The following TMEM132B variants were observed in gnomAD, a reference collection of about 807,000 sequenced individuals.
The protein encoded by TMEM132B is transmembrane protein 132B.
Under a neutral mutation model 90.8 loss-of-function variants are expected in TMEM132B, and 18 were observed. The observed-to-expected ratio is 0.20, with a 90% CI of 0.14 to 0.29. TMEM132B has a LOEUF of 0.29. Among genes scored for constraint, TMEM132B ranks in the 10% least tolerant of loss-of-function variants. The pLI is 1.00. For synonymous variants in TMEM132B, 504 were observed against 523.3 expected (o/e 0.96, Z 0.50); for missense variants, 1,096 against 1,326.8 (o/e 0.83, Z 2.70).
chr12:125,451,862 ACT>A (rs1881160597), intron 3 of TMEM132B, among the ~76,000 whole-genome samples: 1 of 151,960 alleles, frequency 6.6e-6, no homozygotes, highest in Non-Finnish European at 1.5e-5. Context: ...TCAGGAAAAA[ACT>A]CAGATCACTT....
intron 1 of TMEM132B, among the ~76,000 whole-genome samples, chr12:125,327,757 G>A (rs1876630780): frequency 6.6e-6 from 1 of 152,132 alleles, no homozygotes; most frequent in Non-Finnish European, 1.5e-5. Context: ...GGGGCTCCAA[G>A]GGACAGCAGC....
At chr12:125,555,589 A>T (rs911671686) in intron 4 of TMEM132B, among the ~76,000 whole-genome samples, 1 of 147,790 alleles carries the variant, frequency 6.8e-6, no homozygotes, top group Non-Finnish European at 1.5e-5. Context: ...GGGGAGGGAT[A>T]GCATTAGGAG....
At position 125,653,932 on chromosome 12, in the gene TMEM132B, G is replaced by A. The variant is rs369406411; in HGVS notation, c.2474G>A (p.Arg825His). Residue 825 changes from arginine to histidine, a missense_variant, in exon 9 of 9, where the codon CGC (arginine) becomes CAC (histidine). Coordinates refer to ENST00000682704, the MANE Select transcript of TMEM132B (RefSeq NM_001366854.1). ...YKDHLSNSIE[R>H]EGNQERAVQE... ...GACCACCTCAGTAATTCCATAGAGC[G>A]CGAAGGAAACCAGGAGAGAGCAGTC... The A allele has an allele frequency of 3.7e-5, 59 of 1,614,040 alleles. No individual in the cohort carries two copies. The highest frequency in any genetic ancestry group is 1.6e-4 in the Middle Eastern group (1 of 6,084).
intron 2 of TMEM132B, among the ~76,000 whole-genome samples, chr12:125,385,346 G>A (rs1485738114): frequency 1.3e-5 from 2 of 152,222 alleles, no homozygotes; most frequent in African/African-American, 2.4e-5. Flanking sequence ...TGGGGGACCT[G>A]TCTAGCATCT....
At chr12:125,441,033 C>G (rs1880854779) in intron 3 of TMEM132B, among the ~76,000 whole-genome samples, 1 of 152,182 alleles carries the variant, frequency 6.6e-6, no homozygotes, top group South Asian at 2.1e-4. Context: ...TTCTTGATAT[C>G]ACCACTTATT....
chr12:125,245,067 C>A (rs1453167255), intron 1 of TMEM132B, among the ~76,000 whole-genome samples: 1 of 152,196 alleles, frequency 6.6e-6, no homozygotes, highest in Non-Finnish European at 1.5e-5. Flanking sequence ...AGGACGAGAG[C>A]AATTCTGAAT....
At chr12:125,497,077 C>T (rs565779011) in intron 3 of TMEM132B, among the ~76,000 whole-genome samples, 133 of 152,286 alleles carry the variant, frequency 8.7e-4, no homozygotes, top group Non-Finnish European at 9.4e-4. Context: ...TTTCAAAGCT[C>T]CAGGAGAGGT....
intron 1 of TMEM132B, among the ~76,000 whole-genome samples, chr12:125,331,187 T>G (rs1593088068): frequency 6.6e-6 from 1 of 152,092 alleles, no homozygotes; most frequent in South Asian, 2.1e-4. Flanking sequence ...CTGGTCCGGG[T>G]GGGCTCAGTC....
chr12:125,221,272 T>C (rs2136074108), intron 1 of TMEM132B, among the ~76,000 whole-genome samples: 1 of 152,342 alleles, frequency 6.6e-6, no homozygotes, highest in Non-Finnish European at 1.5e-5. Flanking sequence ...TAGTAGGTGC[T>C]CAGTAAATAC....
Position 125,209,849 on chromosome 12 carries a change from C to T in TMEM132B, c.67+22983C>T, listed in dbSNP as rs987973311. Reference sequence around the variant, plus strand: ...TTGTTCCCCAATCCTGATTTCTTTTCTCCTTCACTGGAGATAAATACTGTT... The same window carrying T: ...TTGTTCCCCAATCCTGATTTCTTTTTTCCTTCACTGGAGATAAATACTGTT... On this transcript the variant is annotated intron_variant, in intron 1 of 8. Transcript: ENST00000682704. This position sits in a 1 kb window ranked among gnomAD's most constrained non-coding sequence, Gnocchi z 4.4. Among the ~76,000 whole-genome samples, 4 of 152,230 alleles carry T rather than the reference C, an allele frequency of 2.6e-5. No homozygotes were observed. The highest frequency in any genetic ancestry group is 5.9e-5 in the Non-Finnish European group (4 of 68,032).
intron 1 of TMEM132B, among the ~76,000 whole-genome samples, chr12:125,195,903 G>A (rs994308269): frequency 3.9e-5 from 6 of 152,124 alleles, no homozygotes; most frequent in African/African-American, 1.4e-4. Context: ...TCACTCTTTG[G>A]GCTGAACGAG....
At chr12:125,217,088 TTG>T (rs1402808456) in intron 1 of TMEM132B, among the ~76,000 whole-genome samples, 1 of 152,242 alleles carries the variant, frequency 6.6e-6, no homozygotes, top group Non-Finnish European at 1.5e-5. Flanking sequence ...TTCATCTGCA[TTG>T]TGTAATTAGC....
At chr12:125,500,401 C>G (rs144619520) in intron 3 of TMEM132B, among the ~76,000 whole-genome samples, 26 of 152,288 alleles carry the variant, frequency 1.7e-4, no homozygotes, top group South Asian at 1.0e-3. Context: ...TAGGACCTCC[C>G]CTAACCCTGG....
intron 4 of TMEM132B, among the ~76,000 whole-genome samples, chr12:125,522,699 T>A (rs1883337930): frequency 6.6e-6 from 1 of 152,126 alleles, no homozygotes; most frequent in Admixed American, 6.6e-5. Flanking sequence ...CTGGCCACCA[T>A]GAACTGTAGG....
intron 1 of TMEM132B, among the ~76,000 whole-genome samples, chr12:125,236,703 T>G (rs1873944206): frequency 1.3e-5 from 2 of 152,214 alleles, no homozygotes; most frequent in South Asian, 4.1e-4. Context: ...CCCCACCTGA[T>G]GTATCCTGCA....
intron 5 of TMEM132B, among the ~76,000 whole-genome samples, chr12:125,589,250 A>C (rs1211059372): frequency 6.6e-6 from 1 of 152,120 alleles, no homozygotes; most frequent in Admixed American, 6.5e-5. Flanking sequence ...TGGGAGGCCA[A>C]GGCGGGCAGA....
chr12:125,392,606 A>T (rs531204069), intron 2 of TMEM132B, among the ~76,000 whole-genome samples: 1 of 152,240 alleles, frequency 6.6e-6, no homozygotes, highest in Admixed American at 6.5e-5. Context: ...GGACCTCAGT[A>T]GGGGGAGGTT....
intron 1 of TMEM132B, among the ~76,000 whole-genome samples, chr12:125,346,461 G>T (rs1408833591): frequency 6.6e-6 from 1 of 152,202 alleles, no homozygotes; most frequent in Non-Finnish European, 1.5e-5. Flanking sequence ...ATATTGTGAT[G>T]CTGCATAAGG....
intron 5 of TMEM132B, among the ~76,000 whole-genome samples, chr12:125,600,059 T>G (rs1158157905): frequency 6.6e-6 from 1 of 152,220 alleles, no homozygotes; most frequent in East Asian, 1.9e-4. Context: ...GTTTGGGTTT[T>G]ATGCTATCAT....
Sources: gnomAD v4.1 joint callset for allele counts (sites outside exome capture counted in the v4.1 genomes callset) on GRCh38, gnomAD v4.1.1 for gene constraint, Gnocchi (gnomAD v3.1) non-coding constraint, MANE v1.5 for transcripts, NCBI Gene and HGNC (gene_info 2026-07-23, HGNC 2026-07-21) for gene names.